Variants in SMCHD1 observed in about 807,000 individuals in gnomAD.
The protein encoded by SMCHD1 is structural maintenance of chromosomes flexible hinge domain containing 1, also known as structural maintenance of chromosomes flexible hinge domain-containing protein 1.
SMCHD1 carries 78 observed loss-of-function variants against 254.7 expected under a neutral mutation model. The ratio of observed to expected loss-of-function variants is 0.31; its 90% confidence interval spans 0.26 to 0.37. SMCHD1 has a LOEUF of 0.37. Among genes scored for constraint, SMCHD1 ranks in the 10% least tolerant of loss-of-function variants. The pLI, the probability that SMCHD1 is intolerant of heterozygous loss-of-function variation, is 1.00. For synonymous variants in SMCHD1, 766 were observed against 794.9 expected (o/e 0.96, Z 0.61); for missense variants, 1,840 against 2,408.1 (o/e 0.76, Z 4.94).
intron 45 of SMCHD1, among the ~76,000 whole-genome samples, chr18:2,793,345 T>G (rs1032787354): frequency 6.6e-6 from 1 of 152,146 alleles, no homozygotes; most frequent in Non-Finnish European, 1.5e-5. Context: ...ACATACAAAA[T>G]AAGTATTATT....
intron 17 of SMCHD1, among the ~76,000 whole-genome samples, chr18:2,713,352 T>C (rs2074722269): frequency 6.6e-6 from 1 of 152,240 alleles, no homozygotes; most frequent in African/African-American, 2.4e-5. Context: ...GTCTGATTTA[T>C]AATTGCACCC....
At chr18:2,692,702 T>C (rs1460557563) in intron 7 of SMCHD1, among the ~76,000 whole-genome samples, 1 of 152,238 alleles carries the variant, frequency 6.6e-6, no homozygotes, top group African/African-American at 2.4e-5. Context: ...AATGTTATTA[T>C]TCAGTCATCT....
Position 2,803,450 on chromosome 18 carries a change from C to A in SMCHD1, c.*898C>A, listed in dbSNP as rs1315982364. ...AAATGTATATTAACCTAATGTATGTCATATATATGTCTTTGTGTAAGTTCA... is the reference window on the plus strand; with the variant it reads ...AAATGTATATTAACCTAATGTATGTAATATATATGTCTTTGTGTAAGTTCA... On this transcript the variant is annotated 3_prime_UTR_variant, in exon 48 of 48. Transcript: ENST00000320876. 6.6e-6 allele frequency: 1 copy of A among 151,768 alleles called. No homozygotes were observed. The highest frequency in any genetic ancestry group is 1.5e-5 in the Non-Finnish European group (1 of 67,932). The allele number at this position is 151,768 out of a possible 1,614,324, so 9.4% of individuals were successfully genotyped here.
intron 17 of SMCHD1, among the ~76,000 whole-genome samples, chr18:2,712,500 C>T (rs184696251): frequency 7.3e-4 from 111 of 152,314 alleles, no homozygotes; most frequent in African/African-American, 2.4e-3. Flanking sequence ...ATTGAAAATA[C>T]GTTTTTGCGG....
chr18:2,741,475 A>G (rs562879690), intron 28 of SMCHD1, among the ~76,000 whole-genome samples: 4 of 152,172 alleles, frequency 2.6e-5, no homozygotes, highest in Non-Finnish European at 5.9e-5. Flanking sequence ...CTCCTTTGAG[A>G]GTCTCTATTA....
At chr18:2,721,567 A>G (rs541261944) in intron 19 of SMCHD1, among the ~76,000 whole-genome samples, 1 of 152,088 alleles carries the variant, frequency 6.6e-6, no homozygotes, top group Non-Finnish European at 1.5e-5. Flanking sequence ...GGAAAAAAAA[A>G]TTATGCTGCT....
At chr18:2,732,933 T>C (rs2075171377) in intron 25 of SMCHD1, among the ~76,000 whole-genome samples, 1 of 152,228 alleles carries the variant, frequency 6.6e-6, no homozygotes, top group Non-Finnish European at 1.5e-5. Context: ...GAAATTGGTA[T>C]ACCACTCTAA....
intron 5 of SMCHD1, among the ~76,000 whole-genome samples, chr18:2,686,633 T>TAA (rs1170756848): frequency 1.3e-5 from 2 of 152,136 alleles, no homozygotes; most frequent in African/African-American, 4.8e-5. Context: ...TGTGTTTGTG[T>TAA]ATTGTGTGAG....
Position 2,777,818 on chromosome 18 carries a change from T to C in SMCHD1, c.5379T>C (p.His1793=). Residue 1793 remains histidine (H), a synonymous_variant, in exon 43 of 48, where the codon CAT becomes CAC. Transcript: ENST00000320876. ...TLPDWKRSLP[H]FRNGKLYFKP... Reference sequence around the variant, plus strand: ...TCTTTTTATTTAGATCTCTACCTCATTTCCGAAATGGAAAATTGTATTTTA... The same window carrying C: ...TCTTTTTATTTAGATCTCTACCTCACTTCCGAAATGGAAAATTGTATTTTA... 1.3e-6 allele frequency: 2 copies of C among 1,532,760 alleles called. No individual in the cohort carries two copies. The highest frequency in any genetic ancestry group is 1.8e-6 in the Non-Finnish European group (2 of 1,136,896). The allele number at this position is 1,532,760 out of a possible 1,614,324, so 94.9% of individuals were successfully genotyped here. A position where few individuals can be genotyped will look rare whatever the true frequency, so the allele number is the denominator to read the frequency against.
At chr18:2,786,678 G>A (rs2076245662) in intron 45 of SMCHD1, among the ~76,000 whole-genome samples, 1 of 151,974 alleles carries the variant, frequency 6.6e-6, no homozygotes, top group African/African-American at 2.4e-5. Flanking sequence ...GGTGACAAGA[G>A]CAAAACTCCA....
chr18:2,728,955 A>AG (rs1264915892), intron 23 of SMCHD1: 2 of 226,764 alleles, frequency 8.8e-6, no homozygotes, highest in Non-Finnish European at 1.7e-5. Context: ...TTTAGGGAAA[A>AG]AAAAAAAAAG....
intron 1 of SMCHD1, among the ~76,000 whole-genome samples, chr18:2,657,540 A>G (rs2073107524): frequency 6.6e-6 from 1 of 152,156 alleles, no homozygotes; most frequent in South Asian, 2.1e-4. Flanking sequence ...AAAATATGGA[A>G]CCAGAGGGGG....
At chr18:2,771,240 A>C (rs2075979055) in intron 39 of SMCHD1, among the ~76,000 whole-genome samples, 1 of 152,200 alleles carries the variant, frequency 6.6e-6, no homozygotes, top group Non-Finnish European at 1.5e-5. Context: ...ATTATGTATA[A>C]ATTATGTATA....
intron 44 of SMCHD1, among the ~76,000 whole-genome samples, chr18:2,780,904 A>G (rs916713058): frequency 6.6e-6 from 1 of 152,242 alleles, no homozygotes; most frequent in Non-Finnish European, 1.5e-5. Context: ...TGGAAACTCC[A>G]GCTGAGATTA....
chr18:2,798,517 A>G (rs2076302113), intron 47 of SMCHD1, among the ~76,000 whole-genome samples: 1 of 152,242 alleles, frequency 6.6e-6, no homozygotes, highest in African/African-American at 2.4e-5. Context: ...ATGTATTTAT[A>G]TAGAAAAGAC....
chr18:2,679,480 C>CGAAAAAAAAAAAA lies in SMCHD1; in HGVS notation c.638+5335_638+5336insGAAAAAAAAAAAA, dbSNP rs752743934. On this transcript the variant is annotated intron_variant, in intron 5 of 47. Coordinates refer to ENST00000320876, the MANE Select transcript of SMCHD1 (RefSeq NM_015295.3). ...GGGTGACAGAGCGAGACTCCATCTC[C>CGAAAAAAAAAAAA]AAAAAAAAAAAAAAAAAAAGGAACT... Among the ~76,000 whole-genome samples the CGAAAAAAAAAAAA allele has an allele frequency of 5.1e-5, 3 of 58,698 alleles. 1 individual carries two copies. In the East Asian group the frequency reaches 3.4e-3, roughly 67 times the overall value. The allele number at this position is 58,698 out of a possible 152,430, so 38.5% of individuals were successfully genotyped here.
intron 1 of SMCHD1, among the ~76,000 whole-genome samples, chr18:2,657,633 C>T (rs2073111243): frequency 6.6e-6 from 1 of 152,108 alleles, no homozygotes; most frequent in African/African-American, 2.4e-5. Context: ...CAGCCTTCCT[C>T]CTCCTTCCCA....
chr18:2,724,378 A>C (rs2074985427), intron 20 of SMCHD1, among the ~76,000 whole-genome samples: 1 of 151,950 alleles, frequency 6.6e-6, no homozygotes, highest in Admixed American at 6.6e-5. Flanking sequence ...TACTCATGGA[A>C]GTAGATTAGG....
At chr18:2,746,067 A>G (rs1214844296) in intron 29 of SMCHD1, among the ~76,000 whole-genome samples, 1 of 152,166 alleles carries the variant, frequency 6.6e-6, no homozygotes, top group Non-Finnish European at 1.5e-5. Context: ...CATGCCTTGT[A>G]ATCCCAACAC....
Sources: allele counts gnomAD v4.1 joint callset (sites outside exome capture counted in the v4.1 genomes callset), GRCh38; gene constraint gnomAD v4.1.1; transcripts MANE v1.5; gene names NCBI Gene and HGNC (gene_info 2026-07-23, HGNC 2026-07-21).